The following DLGAP1 variants were observed in gnomAD, a reference collection of about 807,000 sequenced individuals.
DLGAP1 encodes disks large-associated protein 1.
DLGAP1 carries 11 observed loss-of-function variants against 90.8 expected under a neutral mutation model. The observed-to-expected ratio is 0.12, with a 90% CI of 0.08 to 0.20. The LOEUF (loss-of-function observed/expected upper bound fraction) is 0.20. Among genes scored for constraint, DLGAP1 ranks in the 10% least tolerant of loss-of-function variants. The pLI is 1.00. For synonymous variants in DLGAP1, 558 were observed against 540.7 expected (o/e 1.03, Z -0.44); for missense variants, 1,050 against 1,333.8 (o/e 0.79, Z 3.31).
chr18:3,581,822 A>G, intron 8 of DLGAP1, 53 bp downstream of exon 8: 3 of 1,590,508 alleles, frequency 1.9e-6, no homozygotes, highest in Non-Finnish European at 2.6e-6. Context: ...AAAAAGTGTT[A>G]CATTCCTTAG....
At chr18:3,674,296 A>AAAAAAATATATATATATATATAT (rs755076240) in intron 7 of DLGAP1, among the ~76,000 whole-genome samples, 23 of 128,986 alleles carry the variant, frequency 1.8e-4, no homozygotes, top group African/African-American at 7.4e-4. Context: ...ATAATATTAA[A>AAAAAAATATATATATATATATAT]ATATATATAT....
At chr18:3,659,433 A>ACGCG (rs1052809701) in intron 7 of DLGAP1, among the ~76,000 whole-genome samples, 10 of 130,082 alleles carry the variant, frequency 7.7e-5, no homozygotes, top group Admixed American at 7.7e-5. Flanking sequence ...ACACACACAC[A>ACGCG]CGGATGCTAC....
intron 3 of DLGAP1, among the ~76,000 whole-genome samples, chr18:3,918,657 T>C (rs903182959): frequency 6.6e-6 from 1 of 152,150 alleles, no homozygotes; most frequent in African/African-American, 2.4e-5. Context: ...GTGTTATGGG[T>C]TGTTCCAGGG....
At chr18:4,189,288 A>G (rs2077353099) in intron 1 of DLGAP1, among the ~76,000 whole-genome samples, 1 of 152,116 alleles carries the variant, frequency 6.6e-6, no homozygotes, top group South Asian at 2.1e-4. Flanking sequence ...TCCTTCCCAG[A>G]TGTTGCAACT....
intron 1 of DLGAP1, among the ~76,000 whole-genome samples, chr18:4,311,876 C>T (rs62085583): frequency 1.8e-4 from 27 of 152,228 alleles, no homozygotes; most frequent in African/African-American, 6.3e-4. Context: ...CCACCACGCC[C>T]GGCTAATTTT....
intron 5 of DLGAP1, among the ~76,000 whole-genome samples, chr18:3,759,283 C>G (rs773660685): frequency 6.7e-6 from 1 of 149,558 alleles, no homozygotes; most frequent in Non-Finnish European, 1.5e-5. Flanking sequence ...CAAAACCCAA[C>G]CTGATTTGGT....
chr18:4,382,126 T>C (rs71358049), intron 1 of DLGAP1, among the ~76,000 whole-genome samples: 1 of 152,184 alleles, frequency 6.6e-6, no homozygotes, highest in Non-Finnish European at 1.5e-5. Flanking sequence ...AGATGAGATT[T>C]GGGTGGGAAC....
rs145594972 is a variant in DLGAP1, at chr18:4,136,112, C to T, written c.-159+15068G>A. 3.3e-5 allele frequency among the ~76,000 whole-genome samples: 5 copies of T among 151,758 alleles called. No individual in the cohort carries two copies. In the East Asian group the frequency reaches 5.8e-4, roughly 18 times the overall value. ...ATGTCCACCTATGAGTGAGAACATG[C>T]GACATACCACATTTTCTTTATCCGT... On this transcript the variant is annotated intron_variant, in intron 2 of 12. Coordinates refer to ENST00000315677, the MANE Select transcript of DLGAP1 (RefSeq NM_004746.4).
intron 3 of DLGAP1, among the ~76,000 whole-genome samples, chr18:3,917,591 C>T (rs544471804): frequency 6.6e-6 from 1 of 152,296 alleles, no homozygotes; most frequent in South Asian, 2.1e-4. Flanking sequence ...TGTGAAGTCA[C>T]TAGGCATGTA....
Position 3,534,696 on chromosome 18 carries a change from T to TTC in DLGAP1, c.2058-82_2058-81insGA, listed in dbSNP as rs200279820. On this transcript the variant is annotated intron_variant, in intron 9 of 12. Transcript: ENST00000315677. ...TTCCTTCCTTCCTTCCTTTCTTTCT[T>TTC]TTTTTTTTTTTTTTGACAGAGTCTC... The TTC allele has an allele frequency of 6.3e-3, 4,133 of 658,074 alleles. 52 individuals carry two copies. The African/African-American group carries it at 0.14, about 23-fold the overall frequency. 40.8% of individuals were successfully genotyped at this position (658,074 alleles called of 1,614,324 possible). A position where few individuals can be genotyped will look rare whatever the true frequency, so the allele number is the denominator to read the frequency against.
chr18:3,540,545 CAG>C (rs1568159884), intron 9 of DLGAP1, among the ~76,000 whole-genome samples: 2 of 146,734 alleles, frequency 1.4e-5, no homozygotes, highest in Non-Finnish European at 3.0e-5. Context: ...TAATTTGGAT[CAG>C]CTTCCAAATT....
At chr18:3,549,656 T>C (rs1397266391) in intron 9 of DLGAP1, among the ~76,000 whole-genome samples, 1 of 151,992 alleles carries the variant, frequency 6.6e-6, no homozygotes, top group African/African-American at 2.4e-5. Context: ...CACACATACA[T>C]GCACTTCCGG....
chr18:4,290,815 A>T (rs2079827998), intron 1 of DLGAP1, among the ~76,000 whole-genome samples: 1 of 152,194 alleles, frequency 6.6e-6, no homozygotes, highest in Non-Finnish European at 1.5e-5. Flanking sequence ...CGTGAAAAGA[A>T]AAACCAAACC....
chr18:3,627,862 C>T (rs2058354552), intron 7 of DLGAP1, among the ~76,000 whole-genome samples: 2 of 147,134 alleles, frequency 1.4e-5, no homozygotes, highest in African/African-American at 2.5e-5. Context: ...CTCCCTTCCT[C>T]CCTCCTTCCT....
chr18:3,844,170 T>C (rs2068874100), intron 4 of DLGAP1, among the ~76,000 whole-genome samples: 1 of 152,206 alleles, frequency 6.6e-6, no homozygotes, highest in South Asian at 2.1e-4. Flanking sequence ...TTTCTATTTC[T>C]CCAATATTTC....
intron 7 of DLGAP1, chr18:3,594,340 AC>A (rs944186506): frequency 5.7e-5 from 5 of 87,218 alleles, no homozygotes; most frequent in African/African-American, 1.3e-4. Context: ...CCACTCCCAC[AC>A]CCCCCTCCCT....
At chr18:3,591,925 G>GGAGTTCTC (rs1234423856) in intron 7 of DLGAP1, among the ~76,000 whole-genome samples, 1 of 151,980 alleles carries the variant, frequency 6.6e-6, no homozygotes, top group African/African-American at 2.4e-5. Context: ...CATAACAGAG[G>GGAGTTCTC]GAGTTCTCAG....
intron 5 of DLGAP1, among the ~76,000 whole-genome samples, chr18:3,812,659 T>G (rs1204611544): frequency 1.3e-5 from 2 of 152,202 alleles, no homozygotes; most frequent in Non-Finnish European, 2.9e-5. Flanking sequence ...GTATTAATTT[T>G]TGATTAAAAT....
chr18:3,867,773 T>C (rs1251966214), intron 4 of DLGAP1, among the ~76,000 whole-genome samples: 3 of 151,882 alleles, frequency 2.0e-5, no homozygotes, highest in African/African-American at 7.3e-5. Context: ...TAAATAAAAC[T>C]TGTTTTTTTT....
Sources: allele counts gnomAD v4.1 joint callset (sites outside exome capture counted in the v4.1 genomes callset), GRCh38; gene constraint gnomAD v4.1.1; transcripts MANE v1.5; gene names NCBI Gene and HGNC (gene_info 2026-07-23, HGNC 2026-07-21).